Variants in DISC1 observed in about 807,000 individuals in gnomAD.
DISC1 encodes the protein disrupted in schizophrenia 1 protein.
In DISC1, 57 loss-of-function variants were observed where a neutral mutation model predicts 84.5. The observed-to-expected ratio is 0.67, with a 90% CI of 0.55 to 0.84. The LOEUF (loss-of-function observed/expected upper bound fraction) is 0.84, where lower values mean the gene tolerates loss of function less well. Ranked by LOEUF, DISC1 falls within the 40% of genes least tolerant of loss-of-function variation. The probability of loss-of-function intolerance (pLI) is 0.00; values close to 1 mark genes in which losing one functional copy is unlikely to be tolerated. For missense variants in DISC1, 1,000 were observed against 1,057.8 expected, an observed-to-expected ratio of 0.95 and a Z score of 0.76; for synonymous variants, 411 against 415.2, an observed-to-expected ratio of 0.99 and a Z score of 0.12.
intron 10 of DISC1, among the ~76,000 whole-genome samples, chr1:231,968,852 T>A (rs1259248869): frequency 2.0e-5 from 3 of 152,138 alleles, no homozygotes; most frequent in Non-Finnish European, 4.4e-5. Flanking sequence ...GGTGGCCATT[T>A]CTGAGCTGTG....
chr1:231,723,114 TA>T, intron 3 of DISC1: 1 of 977,552 alleles, frequency 1.0e-6, no homozygotes, highest in Non-Finnish European at 1.2e-6. Context: ...AATCCACGTG[TA>T]CTCAAGTCTT....
At chr1:231,955,392 A>G (rs1659264370) in intron 9 of DISC1, among the ~76,000 whole-genome samples, 1 of 151,992 alleles carries the variant, frequency 6.6e-6, no homozygotes, top group African/African-American at 2.4e-5. Context: ...TGTCTCCCCA[A>G]ACCCATTTCA....
intron 9 of DISC1, among the ~76,000 whole-genome samples, chr1:231,876,952 T>C (rs2085929755): frequency 6.6e-6 from 1 of 152,182 alleles, no homozygotes; most frequent in Admixed American, 6.6e-5. Context: ...TGGTTCCACC[T>C]GGGTGGAGAC....
intron 1 of DISC1, among the ~76,000 whole-genome samples, chr1:231,686,005 A>T (rs1327163704): frequency 6.6e-6 from 1 of 152,172 alleles, no homozygotes; most frequent in Non-Finnish European, 1.5e-5. Context: ...TGACCTCCAG[A>T]TCTCACATCC....
At chr1:231,970,677 A>G (rs940374204) in intron 10 of DISC1, among the ~76,000 whole-genome samples, 1 of 152,204 alleles carries the variant, frequency 6.6e-6, no homozygotes, top group African/African-American at 2.4e-5. Flanking sequence ...TAGAATAGAA[A>G]ATAGACAGGA....
chr1:231,727,887 G>T (rs1410584399), intron 3 of DISC1, among the ~76,000 whole-genome samples: 1 of 151,736 alleles, frequency 6.6e-6, no homozygotes, highest in East Asian at 1.9e-4. Context: ...AGGAGTTCGG[G>T]GCTGCAGTGA....
At chr1:231,645,820 T>C (rs565717718) in intron 1 of DISC1, among the ~76,000 whole-genome samples, 4 of 152,070 alleles carry the variant, frequency 2.6e-5, no homozygotes, top group African/African-American at 7.2e-5. Context: ...GCTTCATCCA[T>C]GTCCTTGCAA....
chr1:231,702,745 C>A, intron 3 of DISC1: 1 of 261,128 alleles, frequency 3.8e-6, no homozygotes, highest in Non-Finnish European at 5.9e-6. Context: ...ACAGGGTAGA[C>A]TGAGTCAAAG....
rs527858581 is a variant in DISC1, at chr1:231,638,500, T to C, written c.67+11566T>C. Reference sequence around the variant, plus strand: ...TATTTATAAGACTTTAATTCATCTTTAGTTGAATTTAGTTTTGTATATGAT... The same window carrying C: ...TATTTATAAGACTTTAATTCATCTTCAGTTGAATTTAGTTTTGTATATGAT... On this transcript the variant is annotated intron_variant, in intron 1 of 12. Coordinates refer to ENST00000439617, the MANE Select transcript of DISC1 (RefSeq NM_018662.3). Among the ~76,000 whole-genome samples, 10 of 152,294 alleles carry C rather than the reference T, an allele frequency of 6.6e-5. 1 individual carries two copies. In the East Asian group the frequency reaches 1.9e-3, roughly 29 times the overall value.
In DISC1 at chr1:231,767,234, C is replaced by T. The variant is rs367543089; in HGVS notation, c.1363C>T (p.Arg455Ter). ...CAGCTTGCACGTGTCCATCACGAGA[C>T]GAGACTGGCTTCTTCAGGAAAAGCA... is the stretch of plus-strand genomic sequence containing the variant. Reference protein sequence around the residue: ...QDSLHVSITRRDWLLQEKQQL... With the variant: ...QDSLHVSITR Residue 455 changes from arginine (R) to a stop codon, truncating the protein, a stop_gained, in exon 5 of 13, where the codon CGA (arginine) becomes TGA (stop). Coordinates refer to ENST00000439617, the MANE Select transcript of DISC1 (RefSeq NM_018662.3). LOFTEE classifies it high-confidence loss of function. 10 of 1,614,048 alleles carry T rather than the reference C, an allele frequency of 6.2e-6. No individual in the cohort carries two copies. Among genetic ancestry groups the T allele is most frequent in the East Asian group, 4.5e-5 (2 of 44,890 alleles).
At chr1:231,749,519 G>C (rs1343013384) in intron 3 of DISC1, among the ~76,000 whole-genome samples, 1 of 151,928 alleles carries the variant, frequency 6.6e-6, no homozygotes, top group Admixed American at 6.6e-5. Context: ...CAATTTCTGA[G>C]GAAATGTTAA....
At chr1:231,686,350 C>T (rs565423310) in intron 1 of DISC1, among the ~76,000 whole-genome samples, 50 of 152,362 alleles carry the variant, frequency 3.3e-4, no homozygotes, top group Admixed American at 2.6e-3. Flanking sequence ...CGTTTCCATA[C>T]GTGTTCTGAA....
chr1:231,766,288 TA>T (rs61578768), intron 4 of DISC1, among the ~76,000 whole-genome samples: 54 of 106,134 alleles, frequency 5.1e-4, no homozygotes, highest in Middle Eastern at 5.2e-3. Flanking sequence ...AGACATTATC[TA>T]AAAAAAAAAA....
chr1:231,846,229 C>A (rs2083440647), intron 9 of DISC1, among the ~76,000 whole-genome samples: 1 of 152,124 alleles, frequency 6.6e-6, no homozygotes, highest in Non-Finnish European at 1.5e-5. Flanking sequence ...GAGGAGGAGG[C>A]AGCTTTCAGA....
In DISC1 at chr1:231,698,376, T is replaced by C. The variant is rs1205262766; in HGVS notation, c.1047+3571T>C. On this transcript the variant is annotated intron_variant, in intron 2 of 12. Transcript: ENST00000439617. This position sits in a 1 kb window ranked among gnomAD's most constrained non-coding sequence, Gnocchi z 4.9. ...CAGGGGTTGCATGGGACTGAGAAGA[T>C]GGTAATAAAGGTAGTTGGTGACCAG... Among the ~76,000 whole-genome samples, 1 of 152,060 alleles carries C rather than the reference T, an allele frequency of 6.6e-6. No homozygotes were observed. Among genetic ancestry groups the C allele is most frequent in the Non-Finnish European group, 1.5e-5 (1 of 68,012 alleles).
At position 231,922,610 on chromosome 1, in the gene DISC1, C is replaced by T. The variant is rs117089359; in HGVS notation, c.1982-36218C>T. 2.2e-4 allele frequency among the ~76,000 whole-genome samples: 33 copies of T among 152,172 alleles called. No individual in the cohort carries two copies. In the East Asian group the frequency reaches 6.0e-3, roughly 28 times the overall value. On this transcript the variant is annotated intron_variant, in intron 9 of 12. Transcript: ENST00000439617. ...TGTGGGGTGGTGCTTCTGGATGGAA[C>T]ACAGGGTGCACAGTGATGCATTTGG...
At chr1:231,923,863 G>C (rs16855621) in intron 9 of DISC1, among the ~76,000 whole-genome samples, 4,754 of 152,286 alleles carry the variant, frequency 0.031, 263 homozygotes, top group African/African-American at 0.11. Flanking sequence ...CAAGAATTCT[G>C]CTTCTGAACA....
intron 3 of DISC1, chr1:231,722,915 T>A: frequency 7.8e-7 from 1 of 1,288,254 alleles, no homozygotes; most frequent in Non-Finnish European, 9.9e-7. Context: ...ATTAGATTTT[T>A]GTAGGGGGGA....
At chr1:231,752,103 C>T (rs1157945487) in intron 4 of DISC1, among the ~76,000 whole-genome samples, 1 of 152,144 alleles carries the variant, frequency 6.6e-6, no homozygotes, top group African/African-American at 2.4e-5. Context: ...CACTGTGCTG[C>T]CTTTTAAGTC....
Sources: gnomAD v4.1 joint callset for allele counts (sites outside exome capture counted in the v4.1 genomes callset) on GRCh38, gnomAD v4.1.1 for gene constraint, Gnocchi (gnomAD v3.1) non-coding constraint, MANE v1.5 for transcripts, NCBI Gene and HGNC (gene_info 2026-07-23, HGNC 2026-07-21) for gene names.